ATP6V1G1: variants seen among roughly 807,000 people sequenced by gnomAD.
The protein encoded by ATP6V1G1 is V-type proton ATPase subunit G 1.
In ATP6V1G1, 14 loss-of-function variants were observed where a neutral mutation model predicts 14.2. That is an observed-to-expected ratio of 0.99 (90% CI 0.65 to 1.55). ATP6V1G1 has a LOEUF of 1.55. ATP6V1G1 is among the 40% of genes most tolerant of loss of function. ATP6V1G1 has a pLI of 0.00. For missense variants in ATP6V1G1, 137 were observed against 146.4 expected (o/e 0.94, Z 0.33); for synonymous variants, 65 against 53.3 (o/e 1.22, Z -0.96).
At chr9:114,596,387 CAAA>C (rs534296519) in intron 2 of ATP6V1G1, among the ~76,000 whole-genome samples, 7 of 80,298 alleles carry the variant, frequency 8.7e-5, no homozygotes, top group Admixed American at 2.6e-4. Context: ...GACTCCAACT[CAAA>C]AAAAAAAAAA....
At chr9:114,590,282 C>CTA (rs763796998) in intron 1 of ATP6V1G1, among the ~76,000 whole-genome samples, 1 of 129,724 alleles carries the variant, frequency 7.7e-6, no homozygotes, top group Non-Finnish European at 1.6e-5. Context: ...TTTTTTGAGA[C>CTA]AGAGTCTCAC....
intron 1 of ATP6V1G1, among the ~76,000 whole-genome samples, chr9:114,590,699 G>A (rs764684380): frequency 8.6e-5 from 13 of 151,880 alleles, no homozygotes; most frequent in Non-Finnish European, 1.3e-4. Flanking sequence ...TTGGGAAGAG[G>A]CAGTATATAA....
In ATP6V1G1 at chr9:114,587,784, A is replaced by C. The variant is rs559357543; in HGVS notation, c.-55A>C. The C allele has an allele frequency of 1.9e-4, 286 of 1,536,968 alleles. 3 individuals are homozygous for C. The South Asian group carries it at 3.3e-3, about 18-fold the overall frequency. On this transcript the variant is annotated 5_prime_UTR_variant, in exon 1 of 3. Coordinates refer to ENST00000374050, the MANE Select transcript of ATP6V1G1 (RefSeq NM_004888.4). ...GTGGGCGGCTGTGTCAGCTGACCCAAGGGGCCTTCGAGGTGCCTTAGGCCG... is the reference window on the plus strand; with the variant it reads ...GTGGGCGGCTGTGTCAGCTGACCCACGGGGCCTTCGAGGTGCCTTAGGCCG...
intron 1 of ATP6V1G1, 115 bp downstream of exon 1, chr9:114,588,035 C>T (rs551821468): frequency 8.7e-7 from 1 of 1,152,360 alleles, no homozygotes; most frequent in East Asian, 2.6e-5. Context: ...TGCGTATAGT[C>T]GCGGAAGGTT....
Position 114,597,681 on chromosome 9 carries a change from C to A in ATP6V1G1, c.295C>A (p.Leu99Ile). Residue 99 changes from leucine (L) to isoleucine (I), a missense_variant, in exon 3 of 3, where the codon CTC becomes ATC. By Grantham distance (5) the Leu-to-Ile change is conservative. Coordinates refer to ENST00000374050, the MANE Select transcript of ATP6V1G1 (RefSeq NM_004888.4). ...RQNRDEVLDN[L>I]LAFVCDIRPE... ...GAACAGGGATGAAGTCTTGGACAAC[C>A]TCTTGGCTTTTGTCTGTGACATTCG... The A allele has an allele frequency of 1.9e-6, 3 of 1,594,228 alleles. No homozygotes were observed. Among genetic ancestry groups the A allele is most frequent in the South Asian group, 1.1e-5 (1 of 87,774 alleles).
At chr9:114,594,763 T>C (rs1845218419) in intron 2 of ATP6V1G1, among the ~76,000 whole-genome samples, 2 of 152,196 alleles carry the variant, frequency 1.3e-5, no homozygotes, top group South Asian at 4.1e-4. Flanking sequence ...CTCATATTCT[T>C]ACATTCTGTG....
intron 1 of ATP6V1G1, among the ~76,000 whole-genome samples, chr9:114,588,298 C>T (rs1241430849): frequency 2.6e-5 from 4 of 152,030 alleles, no homozygotes; most frequent in Non-Finnish European, 5.9e-5. Flanking sequence ...ACCTGGAGTC[C>T]TGCTTGCCTC....
intron 1 of ATP6V1G1, among the ~76,000 whole-genome samples, chr9:114,588,689 C>T (rs372018585): frequency 3.3e-5 from 5 of 152,046 alleles, no homozygotes; most frequent in African/African-American, 1.2e-4. Context: ...TGTAAGGTTG[C>T]TAAAGAATTT....
At chr9:114,591,931 C>T (rs1381914671) in intron 1 of ATP6V1G1, among the ~76,000 whole-genome samples, 1 of 152,064 alleles carries the variant, frequency 6.6e-6, no homozygotes, top group African/African-American at 2.4e-5. Flanking sequence ...TGTTAAGCCA[C>T]TCACTTCTAG....
intron 2 of ATP6V1G1, among the ~76,000 whole-genome samples, chr9:114,595,063 T>C (rs1351130629): frequency 6.6e-6 from 1 of 151,070 alleles, no homozygotes; most frequent in African/African-American, 2.4e-5. Flanking sequence ...AGACAGGGTT[T>C]CACCATGTTG....
At chr9:114,591,209 T>A (rs1845179172) in intron 1 of ATP6V1G1, among the ~76,000 whole-genome samples, 1 of 152,214 alleles carries the variant, frequency 6.6e-6, no homozygotes, top group African/African-American at 2.4e-5. Context: ...GAAATACGAT[T>A]TTCTGTTTAA....
intron 1 of ATP6V1G1, 52 bp downstream of exon 1, chr9:114,587,972 C>T (rs754784365): frequency 6.5e-7 from 1 of 1,544,294 alleles, no homozygotes. Flanking sequence ...AGAAAGACCG[C>T]TGGGCCTCAG....
intron 1 of ATP6V1G1, among the ~76,000 whole-genome samples, chr9:114,589,501 C>G (rs1845162239): frequency 6.6e-6 from 1 of 152,092 alleles, no homozygotes; most frequent in Non-Finnish European, 1.5e-5. Context: ...ATCTGACATC[C>G]AACTAGATTT....
chr9:114,596,278 C>T lies in ATP6V1G1; in HGVS notation c.184-1292C>T, dbSNP rs7047264. Among the ~76,000 whole-genome samples the T allele has an allele frequency of 8.7e-3, 1,327 of 151,808 alleles. 21 individuals are homozygous for T. Among genetic ancestry groups the T allele is most frequent in the African/African-American group, 0.03 (1,222 of 41,348 alleles). On this transcript the variant is annotated intron_variant, in intron 2 of 2. Transcript: ENST00000374050. ...TGGCTGGCGCCTGTAGTCCCAGCTA[C>T]TCAGGAGGCTGAGGCAGGAGAATGG...
intron 2 of ATP6V1G1, among the ~76,000 whole-genome samples, chr9:114,596,405 A>AG (rs1564275361): frequency 6.6e-6 from 1 of 150,746 alleles, no homozygotes; most frequent in Non-Finnish European, 1.5e-5. Context: ...AAAAAAAAAA[A>AG]GTGTGGGGGC....
Position 114,594,320 on chromosome 9 carries a change from C to T in ATP6V1G1, c.183+1668C>T, listed in dbSNP as rs4979441. On this transcript the variant is annotated intron_variant, in intron 2 of 2. Coordinates refer to ENST00000374050, the MANE Select transcript of ATP6V1G1 (RefSeq NM_004888.4). ...CCGACCGCAGGTGATCTGCCTGCCCCGGCCTCCCAGAGTGCTAGGATGACA... is the reference window on the plus strand; with the variant it reads ...CCGACCGCAGGTGATCTGCCTGCCCTGGCCTCCCAGAGTGCTAGGATGACA... Among the ~76,000 whole-genome samples, 798 of 151,668 alleles carry T rather than the reference C, an allele frequency of 5.3e-3. 16 individuals are homozygous for T. The highest frequency in any genetic ancestry group is 0.052 in the East Asian group (270 of 5,150).
chr9:114,597,133 G>C (rs1332048937), intron 2 of ATP6V1G1, among the ~76,000 whole-genome samples: 2 of 151,376 alleles, frequency 1.3e-5, no homozygotes, highest in Admixed American at 6.6e-5. Context: ...TGGGACTACA[G>C]GCGCCCGCTA....
chr9:114,596,179 C>T (rs573249010), intron 2 of ATP6V1G1, among the ~76,000 whole-genome samples: 5 of 152,014 alleles, frequency 3.3e-5, no homozygotes, highest in South Asian at 4.2e-4. Flanking sequence ...GTCAGGAGAT[C>T]GAGACCATCC....
At position 114,592,601 on chromosome 9, in the gene ATP6V1G1, T is replaced by C. The variant is rs747363699; in HGVS notation, c.132T>C (p.Ile44=). 4 of 1,577,294 alleles carry C rather than the reference T, an allele frequency of 2.5e-6. No homozygotes were observed. The highest frequency in any genetic ancestry group is 3.4e-6 in the Non-Finnish European group (4 of 1,160,822). ...CCAAAGAAGAAGCTCAGGCTGAAAT[T>C]GAACAGTACCGCCTGCAGAGGGAGA... ...KQAKEEAQAE[I]EQYRLQREKE... is the part of the protein sequence containing the mutation. Residue 44 remains isoleucine (I), a synonymous_variant, in exon 2 of 3, where the codon ATT becomes ATC. Coordinates refer to ENST00000374050, the MANE Select transcript of ATP6V1G1 (RefSeq NM_004888.4).
Sources: allele counts gnomAD v4.1 joint callset (sites outside exome capture counted in the v4.1 genomes callset), GRCh38; gene constraint gnomAD v4.1.1; transcripts MANE v1.5; gene names NCBI Gene and HGNC (gene_info 2026-07-23, HGNC 2026-07-21).